TBC1D22A: variants seen among roughly 807,000 people sequenced by gnomAD.
The protein encoded by TBC1D22A is TBC1 domain family member 22A, also known as putative GTPase activator.
Under a neutral mutation model 60.2 loss-of-function variants are expected in TBC1D22A, and 38 were observed. The ratio of observed to expected loss-of-function variants is 0.63; its 90% CI spans 0.49 to 0.83. TBC1D22A has a LOEUF of 0.83. Among genes scored for constraint, TBC1D22A ranks in the 40% least tolerant of loss-of-function variants. The pLI is 0.00. For missense variants in TBC1D22A, 628 were observed against 701.0 expected (o/e 0.90, Z 1.18); for synonymous variants, 302 against 281.7 (o/e 1.07, Z -0.72).
intron 4 of TBC1D22A, among the ~76,000 whole-genome samples, chr22:46,812,379 TGTG>T (rs1296100264): frequency 1.8e-4 from 27 of 152,114 alleles, no homozygotes; most frequent in Non-Finnish European, 3.7e-4. Context: ...TGGGTGGGCT[TGTG>T]GTGCTGAGGA....
At chr22:46,866,362 C>T (rs6009009) in intron 4 of TBC1D22A, among the ~76,000 whole-genome samples, 2,321 of 152,240 alleles carry the variant, frequency 0.015, 63 homozygotes, top group African/African-American at 0.053. Context: ...ACCGCAGCCT[C>T]CCAAAGTGCT....
chr22:46,803,603 G>A (rs748798259), intron 4 of TBC1D22A, among the ~76,000 whole-genome samples: 1 of 152,218 alleles, frequency 6.6e-6, no homozygotes, highest in Non-Finnish European at 1.5e-5. Flanking sequence ...CCTTGTGGGT[G>A]GGGGGTGCTT....
At chr22:46,852,280 C>T (rs150929746) in intron 4 of TBC1D22A, among the ~76,000 whole-genome samples, 450 of 152,346 alleles carry the variant, frequency 3.0e-3, no homozygotes, top group African/African-American at 0.01. Context: ...ATCCCAGGGC[C>T]TCCCGGCTTC....
At chr22:47,025,059 A>G (rs902545196) in intron 10 of TBC1D22A, among the ~76,000 whole-genome samples, 3 of 152,252 alleles carry the variant, frequency 2.0e-5, no homozygotes, top group South Asian at 2.1e-4. Flanking sequence ...CAGTTAATCA[A>G]TTGGACATAA....
chr22:47,119,733 A>G (rs2066204165), intron 12 of TBC1D22A, among the ~76,000 whole-genome samples: 1 of 152,016 alleles, frequency 6.6e-6, no homozygotes, highest in Non-Finnish European at 1.5e-5. Flanking sequence ...CTGACCTCGT[A>G]ATCCGCCCGC....
intron 6 of TBC1D22A, 51 bp downstream of exon 6, chr22:46,891,445 T>C (rs757539359): frequency 6.5e-7 from 1 of 1,542,456 alleles, no homozygotes; most frequent in Admixed American, 2.1e-5. Flanking sequence ...TTTGCTTTGC[T>C]GTGATTTATA....
At chr22:46,771,598 AT>A (rs537408036) in intron 1 of TBC1D22A, among the ~76,000 whole-genome samples, 3,981 of 139,128 alleles carry the variant, frequency 0.029, 57 homozygotes, top group Non-Finnish European at 0.041. Flanking sequence ...CCTACTTACT[AT>A]TTTTTTTTTT....
intron 5 of TBC1D22A, among the ~76,000 whole-genome samples, chr22:46,887,740 G>A (rs2068192293): frequency 6.6e-6 from 1 of 152,154 alleles, no homozygotes; most frequent in Admixed American, 6.5e-5. Context: ...TGACCTGGGT[G>A]GTATTGACGG....
intron 8 of TBC1D22A, among the ~76,000 whole-genome samples, chr22:46,933,019 G>A (rs930080836): frequency 1.1e-4 from 17 of 152,240 alleles, no homozygotes; most frequent in African/African-American, 3.9e-4. Context: ...CACTGTGCCC[G>A]GCCTCCTCCT....
chr22:46,980,308 G>A (rs2074464288), intron 9 of TBC1D22A, among the ~76,000 whole-genome samples: 1 of 152,140 alleles, frequency 6.6e-6, no homozygotes, highest in African/African-American at 2.4e-5. Flanking sequence ...TCAGCCTCCT[G>A]AGTGGCTAGG....
chr22:46,904,956 A>G (rs972022554), intron 7 of TBC1D22A, among the ~76,000 whole-genome samples: 17 of 150,172 alleles, frequency 1.1e-4, no homozygotes, highest in African/African-American at 3.2e-4. Context: ...TTGTATTTTT[A>G]GTAGAGACGG....
intron 9 of TBC1D22A, among the ~76,000 whole-genome samples, chr22:46,978,276 G>T (rs148004284): frequency 8.1e-4 from 124 of 152,212 alleles, no homozygotes; most frequent in African/African-American, 2.8e-3. Context: ...TGTTTGTGTG[G>T]GTTAATTCTC....
chr22:46,771,958 C>A (rs1474972786), intron 1 of TBC1D22A, among the ~76,000 whole-genome samples: 1 of 151,866 alleles, frequency 6.6e-6, no homozygotes, highest in South Asian at 2.1e-4. Context: ...GTTACTTTAC[C>A]CAGAATTGTT....
chr22:47,020,899 C>A (rs55802483), intron 10 of TBC1D22A, among the ~76,000 whole-genome samples: 1 of 151,504 alleles, frequency 6.6e-6, no homozygotes, highest in African/African-American at 2.4e-5. Context: ...TCCCCCTTAG[C>A]AAGCAGGAGC....
chr22:47,008,578 C>G (rs774914893), intron 10 of TBC1D22A, among the ~76,000 whole-genome samples: 5 of 152,234 alleles, frequency 3.3e-5, no homozygotes, highest in African/African-American at 4.8e-5. Flanking sequence ...ACCTGCTGTG[C>G]AGAGCATCCT....
chr22:47,004,315 A>G (rs1240269735), intron 10 of TBC1D22A, among the ~76,000 whole-genome samples: 1 of 149,354 alleles, frequency 6.7e-6, no homozygotes. Flanking sequence ...ACAACCCCTC[A>G]TACACACACC....
intron 11 of TBC1D22A, among the ~76,000 whole-genome samples, chr22:47,098,518 A>G (rs1048968145): frequency 1.3e-5 from 2 of 152,102 alleles, no homozygotes; most frequent in Non-Finnish European, 2.9e-5. Flanking sequence ...CCCCAACCCC[A>G]TGCACCAGGC....
chr22:46,774,078 C>T, intron 1 of TBC1D22A: 2 of 985,624 alleles, frequency 2.0e-6, no homozygotes, highest in Non-Finnish European at 2.4e-6. Flanking sequence ...GGTGTTCCTC[C>T]CGCCCCCGCA....
At chr22:46,974,552 G>A (rs545486386) in intron 9 of TBC1D22A, among the ~76,000 whole-genome samples, 153 bp downstream of exon 9, 6 of 152,306 alleles carry the variant, frequency 3.9e-5, no homozygotes, top group South Asian at 4.1e-4. Context: ...AGACCCCTCC[G>A]GGTTGACGAG....
Sources: gnomAD v4.1 joint callset for allele counts (sites outside exome capture counted in the v4.1 genomes callset) on GRCh38, gnomAD v4.1.1 for gene constraint, MANE v1.5 for transcripts, NCBI Gene and HGNC (gene_info 2026-07-23, HGNC 2026-07-21) for gene names.